RGR: variants seen among roughly 807,000 people sequenced by gnomAD.
RGR encodes RPE-retinal G protein-coupled receptor.
In RGR, 30 loss-of-function variants were observed where a neutral mutation model predicts 28.6. The ratio of observed to expected loss-of-function variants is 1.05; its 90% CI spans 0.78 to 1.42. The LOEUF is 1.42. RGR is among the 40% of genes most tolerant of loss of function. The pLI, the probability that RGR is intolerant of heterozygous loss-of-function variation, is 0.00. For missense variants in RGR, 404 were observed against 375.6 expected (o/e 1.08, Z -0.62); for synonymous variants, 180 against 156.4 (o/e 1.15, Z -1.13).
At chr10:84,257,468 C>A (rs1009661783) in intron 5 of RGR, among the ~76,000 whole-genome samples, 1 of 152,132 alleles carries the variant, frequency 6.6e-6, no homozygotes, top group African/African-American at 2.4e-5. Context: ...GGCACAGTGG[C>A]TCATGCTTGT....
intron 5 of RGR, chr10:84,255,439 G>T (rs10788336): frequency 1.3e-5 from 2 of 152,068 alleles, no homozygotes; most frequent in African/African-American, 4.8e-5. Context: ...CTTTTAAACC[G>T]CTTTGAGATG....
Position 84,248,091 on chromosome 10 carries a change from G to A in RGR, c.236+344G>A. 5.5e-6 allele frequency: 3 copies of A among 543,130 alleles called. No individual in the cohort carries two copies. In the South Asian group the frequency reaches 6.0e-5, roughly 11 times the overall value. 33.6% of individuals were successfully genotyped at this position (543,130 alleles called of 1,614,324 possible). On this transcript the variant is annotated intron_variant, in intron 2 of 6. Coordinates refer to ENST00000652092, the MANE Select transcript of RGR (RefSeq NM_001012720.2). ...ATATTATTTCCTAACTCATATAGGTGGTTGGAAGTATTTACTTCTATTATG... is the reference window on the plus strand; with the variant it reads ...ATATTATTTCCTAACTCATATAGGTAGTTGGAAGTATTTACTTCTATTATG...
chr10:84,257,971 G>A lies in RGR; in HGVS notation c.709G>A (p.Ala237Thr), dbSNP rs558105831. The A allele has an allele frequency of 7.4e-6, 12 of 1,614,170 alleles. No homozygotes were observed. Among genetic ancestry groups the A allele is most frequent in the Middle Eastern group, 1.6e-4 (1 of 6,062 alleles). ...YAILYLYAVIADVTSISPKLQ... is the reference protein window; with the variant it reads ...YAILYLYAVITDVTSISPKLQ... ...CATCCTGTATCTATACGCAGTCATC[G>A]CAGACGTGACTTCCATCTCCCCCAA... is the stretch of plus-strand genomic sequence containing the variant. The change falls in exon 6 of 7, where the codon GCA becomes ACA. Residue 237 changes from alanine (A) to threonine (T), a missense_variant. Ala to Thr is a moderately conservative substitution (Grantham distance 58). Coordinates refer to ENST00000652092, the MANE Select transcript of RGR (RefSeq NM_001012720.2).
At chr10:84,248,055 C>T in intron 2 of RGR, 1 of 576,356 alleles carries the variant, frequency 1.7e-6, no homozygotes. Context: ...TGGGCTTCTT[C>T]CATAAATCGG....
At chr10:84,250,506 G>C in intron 3 of RGR, 1 of 662,484 alleles carries the variant, frequency 1.5e-6, no homozygotes, top group Non-Finnish European at 2.8e-6. Context: ...ATGCTCCCTT[G>C]GACCATCTTA....
intron 3 of RGR, among the ~76,000 whole-genome samples, chr10:84,252,159 G>A (rs911044377): frequency 1.3e-5 from 2 of 152,208 alleles, no homozygotes; most frequent in Non-Finnish European, 1.5e-5. Context: ...GGTCAAATCA[G>A]CATGGCTGGT....
At chr10:84,248,294 G>A in intron 2 of RGR, 1 of 720,548 alleles carries the variant, frequency 1.4e-6, no homozygotes, top group South Asian at 2.9e-5. Context: ...ACTAGCTAGT[G>A]TCTAATACCT....
At chr10:84,252,122 G>C (rs1842825758) in intron 3 of RGR, among the ~76,000 whole-genome samples, 1 of 152,230 alleles carries the variant, frequency 6.6e-6, no homozygotes, top group East Asian at 1.9e-4. Flanking sequence ...CAGCAGAGAG[G>C]GGGGCTTCAG....
At chr10:84,247,439 A>T (rs1842760098) in intron 1 of RGR, 152 bp from the exon 2 acceptor site, 4 of 944,108 alleles carry the variant, frequency 4.2e-6, no homozygotes, top group Non-Finnish European at 6.8e-6. Context: ...GTCAGTGATT[A>T]TGACTGTTAT....
intron 1 of RGR, among the ~76,000 whole-genome samples, chr10:84,245,584 G>A (rs1842737751): frequency 6.6e-6 from 1 of 152,180 alleles, no homozygotes. Context: ...TCCTGCTCTT[G>A]TGTGGCTGGA....
At chr10:84,251,437 C>T (rs966668895) in intron 3 of RGR, among the ~76,000 whole-genome samples, 1 of 152,078 alleles carries the variant, frequency 6.6e-6, no homozygotes, top group African/African-American at 2.4e-5. Flanking sequence ...AGTCCAAATG[C>T]GAGGTGTCAG....
intron 3 of RGR, 63 bp downstream of exon 3, chr10:84,249,106 G>C (rs963508251): frequency 5.2e-5 from 83 of 1,602,220 alleles, no homozygotes; most frequent in Non-Finnish European, 7.7e-6. Flanking sequence ...TAAGAGGCAG[G>C]GAGGGGCAGT....
Position 84,257,916 on chromosome 10 carries a change from G to A in RGR, c.654G>A (p.Arg218=), listed in dbSNP as rs777991719. The A allele has an allele frequency of 5.0e-6, 8 of 1,614,124 alleles. No homozygotes were observed. The highest frequency in any genetic ancestry group is 4.4e-5 in the South Asian group (4 of 91,082). The change falls in exon 6 of 7, where the codon AGG becomes AGA. Residue 218 remains arginine (R), a synonymous_variant. Transcript: ENST00000652092. ...AGGTAAACACCACTCTGCCAGCAAG[G>A]ACGCTGCTGCTCGGCTGGGGCCCCT... ...HLQVNTTLPA[R]TLLLGWGPYA... is the part of the protein sequence containing the mutation.
intron 5 of RGR, among the ~76,000 whole-genome samples, chr10:84,256,582 T>C (rs1027205185): frequency 2.6e-5 from 4 of 152,210 alleles, no homozygotes; most frequent in Non-Finnish European, 5.9e-5. Flanking sequence ...AAATCTATTT[T>C]AGCTGGAGCC....
At chr10:84,245,981 C>A (rs1041350012) in intron 1 of RGR, among the ~76,000 whole-genome samples, 3 of 152,178 alleles carry the variant, frequency 2.0e-5, no homozygotes, top group Non-Finnish European at 4.4e-5. Flanking sequence ...TGAGAACTGA[C>A]AATGGAGAGG....
chr10:84,250,756 T>C (rs995671247), intron 3 of RGR: 19 of 304,250 alleles, frequency 6.2e-5, no homozygotes, highest in Non-Finnish European at 1.2e-4. Flanking sequence ...CATCTGTTTC[T>C]AAAGCTGAAA....
At position 84,259,398 on chromosome 10, in the gene RGR, A is replaced by G. The variant is rs1842927112; in HGVS notation, c.*759A>G. ...TACTGATTTCTTTTCCTTTGGGTAG[A>G]TACCAGTAGTAGGACTGCTGGATCA... On this transcript the variant is annotated 3_prime_UTR_variant, in exon 7 of 7. Coordinates refer to ENST00000652092, the MANE Select transcript of RGR (RefSeq NM_001012720.2). 6.6e-6 allele frequency: 1 copy of G among 152,430 alleles called. No individual in the cohort carries two copies. The highest frequency in any genetic ancestry group is 6.5e-5 in the Admixed American group (1 of 15,312). The allele number at this position is 152,430 out of a possible 1,614,324, so 9.4% of individuals were successfully genotyped here. A position where few individuals can be genotyped will look rare whatever the true frequency, so the allele number is the denominator to read the frequency against.
Position 84,247,735 on chromosome 10 carries a change from C to A in RGR, c.224C>A (p.Ser75Tyr), listed in dbSNP as rs1842765285. ...CTGAATGCCCTCGTTGCAGCCACAT[C>A]CAGCCTTCTCCGGTACCAGCCCCCT... ...ISLNALVAAT[S>Y]SLLRRWPYGS... Residue 75 changes from serine (S) to tyrosine (Y), a missense_variant, in exon 2 of 7, where the codon TCC (serine) becomes TAC (tyrosine). Physicochemically the swap from Ser to Tyr is moderately radical, Grantham distance 144. Transcript: ENST00000652092. The A allele has an allele frequency of 6.2e-7, 1 of 1,614,196 alleles. No individual in the cohort carries two copies. Among genetic ancestry groups the A allele is most frequent in the Non-Finnish European group, 8.5e-7 (1 of 1,180,038 alleles).
intron 4 of RGR, among the ~76,000 whole-genome samples, chr10:84,253,213 G>A (rs74145778): frequency 0.012 from 1,764 of 152,250 alleles, 27 homozygotes; most frequent in African/African-American, 0.039. Flanking sequence ...CCAGGTGATG[G>A]GAATGCTGTG....
Sources: gnomAD v4.1 joint callset for allele counts (sites outside exome capture counted in the v4.1 genomes callset) on GRCh38, gnomAD v4.1.1 for gene constraint, MANE v1.5 for transcripts, NCBI Gene and HGNC (gene_info 2026-07-23, HGNC 2026-07-21) for gene names.